CDH2: variants seen among roughly 807,000 people sequenced by gnomAD.
CDH2 encodes cadherin 2.
CDH2 carries 17 observed loss-of-function variants against 92.0 expected under a neutral mutation model. The observed-to-expected ratio is 0.18, with a 90% CI of 0.13 to 0.28. The LOEUF is 0.28. Ranked by LOEUF, CDH2 falls within the 10% of genes least tolerant of loss-of-function variation. The pLI, the probability that CDH2 is intolerant of heterozygous loss-of-function variation, is 1.00. For synonymous variants in CDH2, 419 were observed against 415.9 expected (o/e 1.01, Z -0.09); for missense variants, 862 against 1,133.1 (o/e 0.76, Z 3.44).
At chr18:28,067,663 T>G (rs1031643346) in intron 2 of CDH2, among the ~76,000 whole-genome samples, 1 of 152,178 alleles carries the variant, frequency 6.6e-6, no homozygotes, top group African/African-American at 2.4e-5. Context: ...TTCCAATTGA[T>G]TCATTTTTTT....
Position 27,988,527 on chromosome 18 carries a change from T to A in CDH2, c.1738A>T (p.Asn580Tyr). Reference protein sequence around the residue: ...IYNATFLASDNGIPPMSGTGT... With the variant: ...IYNATFLASDYGIPPMSGTGT... ...CAAGAAAAAACAGCGAACATACCATTGTCAGAAGCAAGGAAAGTAGCATTA... is the reference window on the plus strand; with the variant it reads ...CAAGAAAAAACAGCGAACATACCATAGTCAGAAGCAAGGAAAGTAGCATTA... Residue 580 changes from asparagine (N) to tyrosine (Y), a missense_variant, in exon 11 of 16, where the codon AAT becomes TAT. Coordinates refer to ENST00000269141, the MANE Select transcript of CDH2 (RefSeq NM_001792.5). 6.2e-7 allele frequency: 1 copy of A among 1,612,638 alleles called. No homozygotes were observed. The highest frequency in any genetic ancestry group is 8.5e-7 in the Non-Finnish European group (1 of 1,179,012).
At chr18:28,121,746 G>A (rs942273139) in intron 2 of CDH2, among the ~76,000 whole-genome samples, 17 of 152,180 alleles carry the variant, frequency 1.1e-4, no homozygotes, top group Admixed American at 4.6e-4. Flanking sequence ...ACATTGGTGC[G>A]ATAGATGATA....
rs2013166742 is a variant in CDH2 at position 28,013,842 on chromosome 18, C to T, written c.240G>A (p.Lys80=). Residue 80 remains lysine, a synonymous_variant, in exon 3 of 16, where the codon AAG becomes AAA. Coordinates refer to ENST00000269141, the MANE Select transcript of CDH2 (RefSeq NM_001792.5). ...CATACACCATGCCATCTTCATCCAC[C>T]TTAAAATCTGCAGGCTCACTGCTCT... ...QYESSEPADF[K]VDEDGMVYAV... 1 of 1,614,010 alleles carries T rather than the reference C, an allele frequency of 6.2e-7. No homozygotes were observed. The highest frequency in any genetic ancestry group is 8.5e-7 in the Non-Finnish European group (1 of 1,179,968).
Position 28,020,414 on chromosome 18 carries a change from G to A in CDH2, c.173-6505C>T, listed in dbSNP as rs547284942. On this transcript the variant is annotated intron_variant, in intron 2 of 15. Coordinates refer to ENST00000269141, the MANE Select transcript of CDH2 (RefSeq NM_001792.5). ...GAAAGGGAGAAGATATACATGGGAC[G>A]TGCTTTATTTAAATTAGCTTCAAAA... is the stretch of plus-strand genomic sequence containing the variant. Among the ~76,000 whole-genome samples, 11 of 152,010 alleles carry A rather than the reference G, an allele frequency of 7.2e-5. No individual in the cohort carries two copies. The South Asian group carries it at 8.3e-4, about 11-fold the overall frequency.
rs1377166878 is a variant in CDH2 at position 28,126,284 on chromosome 18, T to C, written c.172+21389A>G. On this transcript the variant is annotated intron_variant, in intron 2 of 15. Transcript: ENST00000269141. ...GGGGCAGGGTGGGGGACAGTTAATATGGCTACATCATAAAACTTCCAAAAA... is the reference window on the plus strand; with the variant it reads ...GGGGCAGGGTGGGGGACAGTTAATACGGCTACATCATAAAACTTCCAAAAA... 1.1e-4 allele frequency among the ~76,000 whole-genome samples: 16 copies of C among 152,290 alleles called. 1 individual carries two copies. The East Asian group carries it at 2.5e-3, about 24-fold the overall frequency.
intron 2 of CDH2, among the ~76,000 whole-genome samples, chr18:28,072,032 T>C (rs1362398527): frequency 4.6e-5 from 7 of 152,276 alleles, no homozygotes; most frequent in South Asian, 2.1e-4. Context: ...AATGATTCTA[T>C]AGAATTCTTG....
chr18:28,030,259 G>C (rs998958941), intron 2 of CDH2, among the ~76,000 whole-genome samples: 1 of 151,108 alleles, frequency 6.6e-6, no homozygotes, highest in African/African-American at 2.5e-5. Context: ...GGATAATTGG[G>C]ACAATGACAG....
chr18:28,093,203 A>G (rs539623494), intron 2 of CDH2, among the ~76,000 whole-genome samples: 1 of 152,350 alleles, frequency 6.6e-6, no homozygotes, highest in African/African-American at 2.4e-5. Flanking sequence ...ATATAGCTAT[A>G]CAGATAGATG....
At chr18:28,160,995 T>A (rs2144353362) in intron 1 of CDH2, among the ~76,000 whole-genome samples, 1 of 152,338 alleles carries the variant, frequency 6.6e-6, no homozygotes, top group Non-Finnish European at 1.5e-5. Context: ...GCATATTCAG[T>A]ATCTTTATGT....
chr18:28,015,578 T>C (rs2013222085), intron 2 of CDH2, among the ~76,000 whole-genome samples: 1 of 152,216 alleles, frequency 6.6e-6, no homozygotes, highest in African/African-American at 2.4e-5. Context: ...CATATTTTTG[T>C]ATAAAAAGTA....
intron 2 of CDH2, among the ~76,000 whole-genome samples, chr18:28,142,927 A>T (rs1003499869): frequency 1.3e-5 from 2 of 150,822 alleles, no homozygotes; most frequent in African/African-American, 5.0e-5. Context: ...AAAAAATAGA[A>T]GAGTTGTACA....
intron 7 of CDH2, among the ~76,000 whole-genome samples, chr18:27,996,555 G>A (rs1376741885): frequency 1.3e-5 from 2 of 152,126 alleles, no homozygotes; most frequent in Admixed American, 6.5e-5. Context: ...TGTGTCCTCA[G>A]GACAGAGCCC....
intron 2 of CDH2, among the ~76,000 whole-genome samples, chr18:28,076,557 A>G (rs961928113): frequency 1.3e-5 from 2 of 151,944 alleles, no homozygotes; most frequent in African/African-American, 4.8e-5. Flanking sequence ...TTTTTAAATT[A>G]TACTTTAAGT....
chr18:28,145,741 G>A (rs980740981), intron 2 of CDH2, among the ~76,000 whole-genome samples: 1 of 151,688 alleles, frequency 6.6e-6, no homozygotes, highest in African/African-American at 2.4e-5. Flanking sequence ...ATTTTAAACA[G>A]TATGTTTCAA....
At chr18:28,043,890 A>ATTTT (rs67532914) in intron 2 of CDH2, among the ~76,000 whole-genome samples, 1,253 of 91,330 alleles carry the variant, frequency 0.014, 155 homozygotes, top group Non-Finnish European at 0.021. Context: ...AGAATCTCGG[A>ATTTT]TTTTTTTTTT....
rs1487515461 is a variant in CDH2, at chr18:28,060,230, A to C, written c.173-46321T>G. ...GAGACAGAGTCTCACTCTTTTGCCC[A>C]ATCTGGAGTGTAGTGGCACAATCTC... On this transcript the variant is annotated intron_variant, in intron 2 of 15. Transcript: ENST00000269141. 2.6e-5 allele frequency among the ~76,000 whole-genome samples: 4 copies of C among 152,198 alleles called. No individual in the cohort carries two copies. The East Asian group carries it at 7.7e-4, about 29-fold the overall frequency.
At chr18:28,043,875 T>C (rs2014012226) in intron 2 of CDH2, among the ~76,000 whole-genome samples, 1 of 148,534 alleles carries the variant, frequency 6.7e-6, no homozygotes, top group African/African-American at 2.5e-5. Context: ...AGTCTCATCT[T>C]TCTCAGAATC....
chr18:28,028,088 G>A (rs1261887215), intron 2 of CDH2, among the ~76,000 whole-genome samples: 1 of 151,752 alleles, frequency 6.6e-6, no homozygotes, highest in African/African-American at 2.4e-5. Context: ...GAAAGAAAAA[G>A]AAGAGTTTCA....
At chr18:28,113,580 C>G (rs1368483326) in intron 2 of CDH2, among the ~76,000 whole-genome samples, 1 of 151,694 alleles carries the variant, frequency 6.6e-6, no homozygotes, top group African/African-American at 2.4e-5. Flanking sequence ...TTTAGCATAA[C>G]TAAAATAAGA....
Sources: gnomAD v4.1 joint callset for allele counts (sites outside exome capture counted in the v4.1 genomes callset) on GRCh38, gnomAD v4.1.1 for gene constraint, MANE v1.5 for transcripts, NCBI Gene and HGNC (gene_info 2026-07-23, HGNC 2026-07-21) for gene names.